The following PCDHGB6 variants were observed in gnomAD, a reference collection of about 807,000 sequenced individuals.
The protein encoded by PCDHGB6 is protocadherin gamma subfamily B, 6.
In PCDHGB6, 51 loss-of-function variants were observed where a neutral mutation model predicts 59.1. That is an observed-to-expected ratio of 0.86 (90% CI 0.69 to 1.09). The LOEUF (loss-of-function observed/expected upper bound fraction) is 1.09. PCDHGB6 is among the 50% of genes least tolerant of loss of function. The probability of loss-of-function intolerance (pLI) is 0.00; values close to 1 mark genes in which losing one functional copy is unlikely to be tolerated. For missense variants in PCDHGB6, 1,148 were observed against 1,205.1 expected, an observed-to-expected ratio of 0.95 and a Z score of 0.70; for synonymous variants, 466 against 495.1, an observed-to-expected ratio of 0.94 and a Z score of 0.78.
Position 141,491,900 on chromosome 5 carries a change from G to C in PCDHGB6, c.2419-2907G>C. ...TAAGGGATGGGGCTCCGAGCACCGG[G>C]GGTGGTGGCGACTGTGGGCGAGGGG... On this transcript the variant is annotated intron_variant, in intron 1 of 3. Transcript: ENST00000520790. This position sits in a 1 kb window ranked among gnomAD's most constrained non-coding sequence, Gnocchi z 6.9. 1 of 1,429,936 alleles carries C rather than the reference G, an allele frequency of 7.0e-7. No homozygotes were observed. Among genetic ancestry groups the C allele is most frequent in the South Asian group, 1.5e-5 (1 of 67,072 alleles). 88.6% of individuals were successfully genotyped at this position (1,429,936 alleles called of 1,614,324 possible). A position where few individuals can be genotyped will look rare whatever the true frequency, so the allele number is the denominator to read the frequency against.
rs187488785 is a variant in PCDHGB6 at position 141,461,744 on chromosome 5, C to T, written c.2419-33063C>T. 5.9e-5 allele frequency among the ~76,000 whole-genome samples: 9 copies of T among 152,302 alleles called. No individual in the cohort carries two copies. The East Asian group carries it at 1.7e-3, about 29-fold the overall frequency. On this transcript the variant is annotated intron_variant, in intron 1 of 3. Transcript: ENST00000520790. ...GGAGTGCAGTGGCACAATCCCGGCT[C>T]CCAGATTCAAGCGATTCTCCTGCCT...
intron 1 of PCDHGB6, among the ~76,000 whole-genome samples, chr5:141,458,876 G>T (rs187470646): frequency 5.0e-4 from 76 of 152,248 alleles, no homozygotes; most frequent in African/African-American, 1.7e-3. Context: ...GGGACTACAG[G>T]CATGCACACC....
At chr5:141,415,056 G>C in intron 1 of PCDHGB6, 2 of 1,613,416 alleles carry the variant, frequency 1.2e-6, no homozygotes, top group Non-Finnish European at 1.7e-6. Flanking sequence ...GGGAGCACAC[G>C]GGCGAGGTGC....
intron 1 of PCDHGB6, chr5:141,428,862 T>TC (rs1345604550): frequency 2.7e-5 from 2 of 74,856 alleles, no homozygotes; most frequent in African/African-American, 2.0e-4. Flanking sequence ...ACGGGAGACT[T>TC]TTTTTTTTTT....
intron 1 of PCDHGB6, chr5:141,420,156 AT>A (rs755916873): frequency 6.2e-7 from 1 of 1,613,990 alleles, no homozygotes; most frequent in African/African-American, 1.3e-5. Flanking sequence ...CCAGAATTTA[AT>A]TTTTTCACAT....
chr5:141,414,741 A>C, intron 1 of PCDHGB6: 1 of 1,614,158 alleles, frequency 6.2e-7, no homozygotes. Flanking sequence ...ATGCACTCAG[A>C]TCCTTCGACT....
Position 141,409,081 on chromosome 5 carries a change from A to G in PCDHGB6, c.879A>G (p.Ser293=), listed in dbSNP as rs1220843821. Residue 293 remains serine (S), a synonymous_variant, in exon 1 of 4, where the codon TCA becomes TCG. Transcript: ENST00000520790. The stretch of plus-strand genomic sequence containing the variant: ...CCCAGAGCACAAAACATATGTTCTC[A>G]TTGGATGAGAAAACAGGTATGATTA... The part of the protein sequence containing the change: ...STAQSTKHMF[S]LDEKTGMIKN... The G allele has an allele frequency of 1.9e-6, 3 of 1,613,820 alleles. No individual in the cohort carries two copies. Among genetic ancestry groups the G allele is most frequent in the Non-Finnish European group, 2.5e-6 (3 of 1,179,812 alleles).
chr5:141,511,695 C>A lies in PCDHGB6; in HGVS notation c.*522C>A, dbSNP rs1009832192. The A allele has an allele frequency of 9.7e-5, 19 of 195,544 alleles. No individual in the cohort carries two copies. The highest frequency in any genetic ancestry group is 1.7e-4 in the Non-Finnish European group (16 of 92,634). 12.1% of individuals were successfully genotyped at this position (195,544 alleles called of 1,614,324 possible). A position where few individuals can be genotyped will look rare whatever the true frequency, so the allele number is the denominator to read the frequency against. On this transcript the variant is annotated 3_prime_UTR_variant, in exon 4 of 4. Transcript: ENST00000520790. ...CTTCCCCCAAAGCATGGTTTGGTGC[C>A]AGCCCCTTCACCTCCTTCCAGAGCC...
Position 141,432,938 on chromosome 5 carries a change from G to C in PCDHGB6, c.2418+22318G>C. ...CTGGCACAAGTCACGCCTGCTGCAG[G>C]CTTCAGGAGGCGGCTTGACAGGAGC... On this transcript the variant is annotated intron_variant, in intron 1 of 3. Transcript: ENST00000520790. The surrounding 1 kb of genome is among the most constrained non-coding windows in gnomAD (Gnocchi z 6.0). 2 of 1,614,192 alleles carry C rather than the reference G, an allele frequency of 1.2e-6. No homozygotes were observed. Among genetic ancestry groups the C allele is most frequent in the South Asian group, 2.2e-5 (2 of 91,086 alleles).
intron 1 of PCDHGB6, chr5:141,439,815 T>C (rs1027862858): frequency 5.3e-5 from 8 of 152,314 alleles, no homozygotes; most frequent in African/African-American, 1.9e-4. Flanking sequence ...AAGGGGCTTA[T>C]TTGGGCTGGA....
intron 1 of PCDHGB6, chr5:141,422,541 T>G: frequency 6.2e-7 from 1 of 1,613,992 alleles, no homozygotes; most frequent in Non-Finnish European, 8.5e-7. Context: ...CAGAAACTCA[T>G]GTCTGGCTGA....
At chr5:141,472,849 G>C (rs966051912) in intron 1 of PCDHGB6, among the ~76,000 whole-genome samples, 1 of 151,340 alleles carries the variant, frequency 6.6e-6, no homozygotes, top group East Asian at 2.0e-4. Flanking sequence ...AGCTGGGCAT[G>C]GTGGCACATG....
At chr5:141,413,528 T>C in intron 1 of PCDHGB6, 1 of 1,613,834 alleles carries the variant, frequency 6.2e-7, no homozygotes, top group Non-Finnish European at 8.5e-7. Context: ...GAAGACAGGG[T>C]GAAACTTTTT....
Position 141,408,378 on chromosome 5 carries a change from TG to T in PCDHGB6, c.178del (p.Asp60MetfsTer9), listed in dbSNP as rs780092463. ...GCTAAGGATCTAGGGCTCAGTGTCC[TG>T]GATGTGTCGGCTCGCAAGCTGCGAG... ...NLAKDLGLSVLDVSARKLRVS... is the reference protein window; with the variant it reads ...NLAKDLGLSVXDVSARKLRVS... On this transcript the variant is annotated frameshift_variant, in exon 1 of 4. Transcript: ENST00000520790. LOFTEE classifies it high-confidence loss of function. The T allele has an allele frequency of 1.2e-6, 2 of 1,614,002 alleles. No individual in the cohort carries two copies. The highest frequency in any genetic ancestry group is 1.7e-5 in the Admixed American group (1 of 60,032).
chr5:141,505,118 C>T (rs544825360), intron 2 of PCDHGB6, among the ~76,000 whole-genome samples: 32 of 152,222 alleles, frequency 2.1e-4, no homozygotes, highest in African/African-American at 7.5e-4. Flanking sequence ...GCCAAGATCG[C>T]GCCACTGCAC....
intron 1 of PCDHGB6, among the ~76,000 whole-genome samples, chr5:141,445,948 G>A (rs538607380): frequency 6.6e-6 from 1 of 152,236 alleles, no homozygotes; most frequent in South Asian, 2.1e-4. Flanking sequence ...GCTTACTCTG[G>A]CTGCTATATG....
chr5:141,409,407 A>G lies in PCDHGB6; in HGVS notation c.1205A>G (p.Tyr402Cys). 3 of 1,614,012 alleles carry G rather than the reference A, an allele frequency of 1.9e-6. No homozygotes were observed. The highest frequency in any genetic ancestry group is 2.5e-6 in the Non-Finnish European group (3 of 1,179,896). ...ATTTATTCTTCTTCCAATAACTACT[A>G]CAAACTGGTGACAGATGGAGCCCTG... ...FKIYSSSNNY[Y>C]KLVTDGALDR... The change falls in exon 1 of 4, where the codon TAC (tyrosine) becomes TGC (cysteine). Residue 402 changes from tyrosine to cysteine, a missense_variant. By Grantham distance (194) the Tyr-to-Cys change is radical (BLOSUM62 -2). This residue lies in a region of PCDHGB6 where 549 missense variants were observed against 527.5 expected (regional missense o/e 1.04). Transcript: ENST00000520790.
intron 1 of PCDHGB6, chr5:141,430,828 G>C (rs760402028): frequency 1.3e-6 from 2 of 1,554,030 alleles, no homozygotes; most frequent in East Asian, 2.2e-5. Context: ...TGGGGACTCT[G>C]TGGGAGACCG....
At chr5:141,456,099 G>A (rs1428094221) in intron 1 of PCDHGB6, among the ~76,000 whole-genome samples, 5 of 151,980 alleles carry the variant, frequency 3.3e-5, no homozygotes, top group East Asian at 1.9e-4. Flanking sequence ...GGATTTCACC[G>A]TGTTAGCCAG....
Sources: gnomAD v4.1 joint callset for allele counts (sites outside exome capture counted in the v4.1 genomes callset) on GRCh38, gnomAD v4.1.1 for gene constraint, gnomAD v4.1.1 regional missense constraint, Gnocchi (gnomAD v3.1) non-coding constraint, MANE v1.5 for transcripts, NCBI Gene and HGNC (gene_info 2026-07-23, HGNC 2026-07-21) for gene names.